DISC1: variants seen among roughly 807,000 people sequenced by gnomAD.
DISC1 encodes the protein disrupted in schizophrenia 1 protein.
DISC1 carries 57 observed loss-of-function variants against 84.5 expected under a neutral mutation model. The ratio of observed to expected loss-of-function variants is 0.67; its 90% CI spans 0.55 to 0.84. The LOEUF (loss-of-function observed/expected upper bound fraction) is 0.84, where lower values mean the gene tolerates loss of function less well. DISC1 is among the 40% of genes least tolerant of loss of function. DISC1 has a pLI of 0.00. For missense variants in DISC1, 1,000 were observed against 1,057.8 expected (o/e 0.95, Z 0.76); for synonymous variants, 411 against 415.2 (o/e 0.99, Z 0.12).
At chr1:231,952,090 C>CAAAA (rs11392611) in intron 9 of DISC1, among the ~76,000 whole-genome samples, 43 of 54,186 alleles carry the variant, frequency 7.9e-4, no homozygotes, top group African/African-American at 1.2e-3. Flanking sequence ...CTCAATGTCT[C>CAAAA]AAAAAAAAAA....
At chr1:231,658,026 G>C (rs961285216) in intron 1 of DISC1, among the ~76,000 whole-genome samples, 2 of 152,210 alleles carry the variant, frequency 1.3e-5, no homozygotes, top group Non-Finnish European at 2.9e-5. Flanking sequence ...GAATGTCAAT[G>C]GTAGTTTAAT....
At chr1:231,980,086 T>G (rs982448560) in intron 10 of DISC1, among the ~76,000 whole-genome samples, 4 of 152,248 alleles carry the variant, frequency 2.6e-5, no homozygotes, top group African/African-American at 7.2e-5. Context: ...ATGACTCTTA[T>G]TCTGTCTCCA....
Position 231,654,313 on chromosome 1 carries a change from G to GTT in DISC1, c.67+27388_67+27389dup, listed in dbSNP as rs142226103. Among the ~76,000 whole-genome samples the GTT allele has an allele frequency of 1.1e-3, 168 of 148,586 alleles. 1 individual carries two copies. Among genetic ancestry groups the GTT allele is most frequent in the Non-Finnish European group, 4.9e-4 (33 of 66,992 alleles). ...TATGTCAAAAATTTGATAGGATTCT[G>GTT]TTTTTTTTTTAAATTAATTACTTTT... On this transcript the variant is annotated intron_variant, in intron 1 of 12. Coordinates refer to ENST00000439617, the MANE Select transcript of DISC1 (RefSeq NM_018662.3).
chr1:231,685,597 C>T (rs1024977483), intron 1 of DISC1, among the ~76,000 whole-genome samples: 11 of 152,246 alleles, frequency 7.2e-5, no homozygotes, highest in South Asian at 2.1e-4. Context: ...GGACTGTAGG[C>T]GCCTGCCACC....
chr1:231,875,280 C>T (rs1316586780), intron 9 of DISC1, among the ~76,000 whole-genome samples: 1 of 152,008 alleles, frequency 6.6e-6, no homozygotes, highest in Admixed American at 6.5e-5. Context: ...AGCCACCAGC[C>T]CCCAGCCCTG....
intron 3 of DISC1, among the ~76,000 whole-genome samples, chr1:231,716,697 G>A (rs975351468): frequency 6.6e-6 from 1 of 152,108 alleles, no homozygotes; most frequent in Non-Finnish European, 1.5e-5. Context: ...ATGTTTCTGT[G>A]GGTCTCTACT....
At chr1:231,672,783 T>G (rs1485730667) in intron 1 of DISC1, among the ~76,000 whole-genome samples, 1 of 152,244 alleles carries the variant, frequency 6.6e-6, no homozygotes, top group African/African-American at 2.4e-5. Context: ...CTTGTCTGCC[T>G]TGGCATTATT....
chr1:231,695,858 G>A (rs560475829), intron 2 of DISC1, among the ~76,000 whole-genome samples: 2 of 152,232 alleles, frequency 1.3e-5, no homozygotes, highest in East Asian at 3.9e-4. Context: ...ATAGTCTGAT[G>A]TTTCTAGCCC....
chr1:231,933,867 A>G (rs536730870), intron 9 of DISC1, among the ~76,000 whole-genome samples: 3 of 152,296 alleles, frequency 2.0e-5, no homozygotes, highest in African/African-American at 4.8e-5. Context: ...TCCTCCACAA[A>G]TCTGAGTCAG....
At chr1:232,034,951 C>A (rs1670382016) in intron 12 of DISC1, among the ~76,000 whole-genome samples, 1 of 151,992 alleles carries the variant, frequency 6.6e-6, no homozygotes, top group Non-Finnish European at 1.5e-5. Context: ...CCCTGATCAC[C>A]CTCCTACCCA....
intron 10 of DISC1, among the ~76,000 whole-genome samples, chr1:231,975,485 G>A (rs1183184063): frequency 6.6e-6 from 1 of 152,042 alleles, no homozygotes; most frequent in Non-Finnish European, 1.5e-5. Flanking sequence ...TCTACCCAAA[G>A]GAAAAGAAAT....
intron 1 of DISC1, among the ~76,000 whole-genome samples, chr1:231,669,221 G>A (rs2062328364): frequency 6.6e-6 from 1 of 152,116 alleles, no homozygotes; most frequent in African/African-American, 2.4e-5. Context: ...TAGGTCCTTA[G>A]ATGTCTTTAT....
chr1:231,713,133 T>G (rs1276895113), intron 3 of DISC1, among the ~76,000 whole-genome samples: 1 of 152,138 alleles, frequency 6.6e-6, no homozygotes, highest in African/African-American at 2.4e-5. Flanking sequence ...ACAAATGGAC[T>G]ATTATAGCCA....
chr1:231,789,869 T>C (rs1372285785), intron 6 of DISC1, among the ~76,000 whole-genome samples: 1 of 152,196 alleles, frequency 6.6e-6, no homozygotes, highest in Non-Finnish European at 1.5e-5. Flanking sequence ...GCAAGAGTAT[T>C]GAAGGGAGCC....
At chr1:231,950,544 T>C (rs896944305) in intron 9 of DISC1, among the ~76,000 whole-genome samples, 9 of 152,176 alleles carry the variant, frequency 5.9e-5, no homozygotes, top group African/African-American at 1.7e-4. Context: ...TGAACCTGCT[T>C]GGAACTGATA....
chr1:231,868,692 TTATATATATATATATATATATATATA>T (rs58636016), intron 9 of DISC1, among the ~76,000 whole-genome samples: 3 of 108,842 alleles, frequency 2.8e-5, no homozygotes, highest in Admixed American at 1.0e-4. Context: ...ACCCCATCTC[TTATATATATATATATATATATATATA>T]TATATATATA....
chr1:231,989,009 G>A (rs1664838352), intron 10 of DISC1, among the ~76,000 whole-genome samples: 1 of 152,142 alleles, frequency 6.6e-6, no homozygotes, highest in African/African-American at 2.4e-5. Context: ...ACCAGCCTCT[G>A]GGGTGTCCCA....
intron 9 of DISC1, among the ~76,000 whole-genome samples, chr1:231,905,927 A>G (rs556304220): frequency 2.4e-4 from 36 of 152,178 alleles, no homozygotes; most frequent in African/African-American, 8.4e-4. Context: ...AACAACTCTC[A>G]AATGGTCCAG....
chr1:231,781,516 T>A (rs910008264), intron 6 of DISC1, among the ~76,000 whole-genome samples: 1 of 152,204 alleles, frequency 6.6e-6, no homozygotes, highest in Admixed American at 6.5e-5. Context: ...AGAATGATCA[T>A]AGCTAGTTCT....
Sources: allele counts gnomAD v4.1 joint callset (sites outside exome capture counted in the v4.1 genomes callset), GRCh38; gene constraint gnomAD v4.1.1; transcripts MANE v1.5; gene names NCBI Gene and HGNC (gene_info 2026-07-23, HGNC 2026-07-21).